Variants in FRYL observed in about 807,000 individuals in gnomAD.
FRYL encodes protein furry homolog-like.
A neutral mutation model predicts 351.2 loss-of-function variants in FRYL; 150 were observed. That is an observed-to-expected ratio of 0.43 (90% CI 0.37 to 0.49). The LOEUF (loss-of-function observed/expected upper bound fraction) is 0.49. FRYL is among the 20% of genes least tolerant of loss of function. The probability of loss-of-function intolerance (pLI) is 0.00; values close to 1 mark genes in which losing one functional copy is unlikely to be tolerated. For synonymous variants in FRYL, 1,153 were observed against 1,257.1 expected (o/e 0.92, Z 1.75); for missense variants, 3,036 against 3,619.3 (o/e 0.84, Z 4.13).
intron 4 of FRYL, among the ~76,000 whole-genome samples, chr4:48,632,699 T>C (rs932666047): frequency 6.6e-6 from 1 of 152,114 alleles, no homozygotes; most frequent in African/African-American, 2.4e-5. Flanking sequence ...TTTTGAAATA[T>C]ACATTTGGCT....
intron 3 of FRYL, chr4:48,681,074 A>T (rs1188161372): frequency 1.6e-6 from 2 of 1,276,216 alleles, no homozygotes; most frequent in Non-Finnish European, 2.0e-6. Flanking sequence ...CTAGTATCCA[A>T]AACCACATCT....
At chr4:48,712,874 G>A (rs564701239) in intron 1 of FRYL, among the ~76,000 whole-genome samples, 90 of 152,254 alleles carry the variant, frequency 5.9e-4, no homozygotes, top group African/African-American at 1.7e-3. Context: ...GACTAACAGC[G>A]GATCTCTCAG....
In FRYL at chr4:48,565,018, C is replaced by T; in HGVS notation, c.3356G>A (p.Gly1119Asp). 6.2e-7 allele frequency: 1 copy of T among 1,601,954 alleles called. No individual in the cohort carries two copies. Among genetic ancestry groups the T allele is most frequent in the Non-Finnish European group, 8.5e-7 (1 of 1,170,342 alleles). Residue 1119 changes from glycine to aspartate, a missense_variant, in exon 30 of 64, where the codon GGC becomes GAC. Physicochemically the swap from Gly to Asp is moderately conservative, Grantham distance 94 (BLOSUM62 -1). This residue lies in a region of FRYL where 1,987 missense variants were observed against 2,311.7 expected (regional missense o/e 0.86). Coordinates refer to ENST00000358350, the MANE Select transcript of FRYL (RefSeq NM_015030.2). ...LKAMSAVLCC[G>D]PVADNVGLSS... ...AAGTCCTACATTATCTGCAACAGGG[C>T]CACAACACAGTACAGCAGACATAGC...
chr4:48,542,439 C>T (rs1162642470), intron 44 of FRYL, among the ~76,000 whole-genome samples: 5 of 152,186 alleles, frequency 3.3e-5, no homozygotes, highest in East Asian at 3.8e-4. Flanking sequence ...GTATTTGAGA[C>T]GTAGTCTTGC....
chr4:48,517,984 T>C (rs1192419898), intron 55 of FRYL, among the ~76,000 whole-genome samples: 1 of 152,244 alleles, frequency 6.6e-6, no homozygotes, highest in Non-Finnish European at 1.5e-5. Flanking sequence ...TTGGGTCATT[T>C]GACACTATTT....
chr4:48,500,325 G>T lies in FRYL; in HGVS notation c.8593-105C>A, dbSNP rs187249022. On this transcript the variant is annotated intron_variant, in intron 62 of 63. Transcript: ENST00000358350. The stretch of plus-strand genomic sequence containing the variant: ...TGGCAGTAGCATTGTTGCTCTTAAA[G>T]ATTATTTTAAAATGTTTGTCTTGGA... 6.5e-6 allele frequency: 4 copies of T among 618,302 alleles called. No individual in the cohort carries two copies. The East Asian group carries it at 9.3e-5, about 14-fold the overall frequency. 38.3% of individuals were successfully genotyped at this position (618,302 alleles called of 1,614,324 possible).
chr4:48,561,141 A>G (rs1735421442), intron 33 of FRYL, among the ~76,000 whole-genome samples: 1 of 152,254 alleles, frequency 6.6e-6, no homozygotes, highest in South Asian at 2.1e-4. Context: ...ACAAAATACA[A>G]TGTATTCAAG....
chr4:48,504,779 A>C (rs1720538196), intron 60 of FRYL, among the ~76,000 whole-genome samples: 1 of 152,166 alleles, frequency 6.6e-6, no homozygotes, highest in Non-Finnish European at 1.5e-5. Context: ...GTTAACACTT[A>C]GCGAGTATAC....
intron 3 of FRYL, among the ~76,000 whole-genome samples, chr4:48,675,801 C>T (rs1455237644): frequency 6.6e-6 from 1 of 152,246 alleles, no homozygotes; most frequent in African/African-American, 2.4e-5. Flanking sequence ...GCCAGCTGGG[C>T]TCCTGAGTCT....
intron 3 of FRYL, among the ~76,000 whole-genome samples, chr4:48,653,414 C>T (rs1268458645): frequency 6.6e-6 from 1 of 152,044 alleles, no homozygotes; most frequent in African/African-American, 2.4e-5. Context: ...TTCCCCCGTC[C>T]CACACCCCGC....
chr4:48,698,285 G>A (rs770006573), intron 2 of FRYL, among the ~76,000 whole-genome samples: 8 of 152,202 alleles, frequency 5.3e-5, no homozygotes, highest in Non-Finnish European at 8.8e-5. Context: ...GTAACTACGC[G>A]AATGGGTTCT....
intron 7 of FRYL, among the ~76,000 whole-genome samples, chr4:48,616,676 T>C (rs1271371260): frequency 6.6e-6 from 1 of 152,152 alleles, no homozygotes; most frequent in Non-Finnish European, 1.5e-5. Flanking sequence ...AAACAAATTA[T>C]TCAAGATACA....
rs745907238 is a variant in FRYL at position 48,500,135 on chromosome 4, A to G, written c.8678T>C (p.Ile2893Thr). The change falls in exon 63 of 64, where the codon ATT becomes ACT. Residue 2893 changes from isoleucine (I) to threonine (T), a missense_variant. Ile to Thr is a moderately conservative substitution (Grantham distance 89). Coordinates refer to ENST00000358350, the MANE Select transcript of FRYL (RefSeq NM_015030.2). ...TATAGTAGTTTGTGCAGCTTTGGAA[A>G]TGTCAATTTCTTCGTTTTCGGAAGC... Reference protein sequence around the residue: ...ESASENEEIDISKAAQTTIET... With the variant: ...ESASENEEIDTSKAAQTTIET... The G allele has an allele frequency of 1.7e-5, 27 of 1,604,120 alleles. No individual in the cohort carries two copies. The South Asian group carries it at 2.9e-4, about 18-fold the overall frequency.
chr4:48,668,256 T>G (rs1481071225), intron 3 of FRYL, among the ~76,000 whole-genome samples: 1 of 152,176 alleles, frequency 6.6e-6, no homozygotes, highest in Admixed American at 6.5e-5. Context: ...ACTGCTGTTC[T>G]AGATTGATCA....
chr4:48,538,631 A>C (rs933682938), intron 47 of FRYL, among the ~76,000 whole-genome samples: 1 of 152,082 alleles, frequency 6.6e-6, no homozygotes, highest in African/African-American at 2.4e-5. Flanking sequence ...TTGTTAATCA[A>C]ATCCCAGCTT....
intron 59 of FRYL, chr4:48,506,617 TATATATATATATA>T (rs1721038042): frequency 4.6e-4 from 1 of 2,152 alleles, no homozygotes. Flanking sequence ...ATACAACTAA[TATATATATATATA>T]TATATATATA....
chr4:48,725,801 T>C (rs1294564679), intron 1 of FRYL, among the ~76,000 whole-genome samples: 2 of 152,170 alleles, frequency 1.3e-5, no homozygotes, highest in African/African-American at 2.4e-5. Context: ...AATTGTTCTA[T>C]CTTATTAACT....
intron 3 of FRYL, among the ~76,000 whole-genome samples, chr4:48,680,733 CATAA>C (rs1764479977): frequency 6.6e-6 from 1 of 151,998 alleles, no homozygotes; most frequent in Non-Finnish European, 1.5e-5. Context: ...TGACTTACAG[CATAA>C]ATATTTCTCC....
chr4:48,588,880 A>T (rs111800629), intron 18 of FRYL, among the ~76,000 whole-genome samples: 139 of 152,298 alleles, frequency 9.1e-4, no homozygotes, highest in African/African-American at 3.1e-3. Flanking sequence ...GCAGTTACAG[A>T]AGAAATACAC....
Sources: gnomAD v4.1 joint callset for allele counts (sites outside exome capture counted in the v4.1 genomes callset) on GRCh38, gnomAD v4.1.1 for gene constraint, gnomAD v4.1.1 regional missense constraint, MANE v1.5 for transcripts, NCBI Gene and HGNC (gene_info 2026-07-23, HGNC 2026-07-21) for gene names.